KATNIP: variants seen among roughly 807,000 people sequenced by gnomAD.
KATNIP encodes the protein katanin interacting protein.
In KATNIP, 126 loss-of-function variants were observed where a neutral mutation model predicts 174.0. The ratio of observed to expected loss-of-function variants is 0.72; its 90% CI spans 0.63 to 0.84. The LOEUF is 0.84. Ranked by LOEUF, KATNIP falls within the 40% of genes least tolerant of loss-of-function variation. The probability of loss-of-function intolerance (pLI) is 0.00; values close to 1 mark genes in which losing one functional copy is unlikely to be tolerated. For missense variants in KATNIP, 1,958 were observed against 2,109.7 expected, an observed-to-expected ratio of 0.93 and a Z score of 1.41; for synonymous variants, 810 against 835.7, an observed-to-expected ratio of 0.97 and a Z score of 0.53.
At position 27,698,769 on chromosome 16, in the gene KATNIP, A is replaced by T. The variant is rs1350458924; in HGVS notation, c.1113+269A>T. The stretch of plus-strand genomic sequence containing the variant: ...CTCATCCTCACTGATTTCCCTGCAA[A>T]CCCTGGATACCTTAGACCAGGGTTG... On this transcript the variant is annotated intron_variant, in intron 9 of 27. Coordinates refer to ENST00000261588, the MANE Select transcript of KATNIP (RefSeq NM_015202.5). Among the ~76,000 whole-genome samples, 3 of 152,106 alleles carry T rather than the reference A, an allele frequency of 2.0e-5. No homozygotes were observed. In the East Asian group the frequency reaches 5.8e-4, roughly 29 times the overall value.
At chr16:27,729,777 A>G (rs953814901) in intron 14 of KATNIP, among the ~76,000 whole-genome samples, 1 of 152,166 alleles carries the variant, frequency 6.6e-6, no homozygotes, top group Admixed American at 6.5e-5. Context: ...CTGGCTCACA[A>G]CTTTGATCCT....
intron 1 of KATNIP, among the ~76,000 whole-genome samples, chr16:27,573,477 G>C (rs1160839998): frequency 1.3e-5 from 2 of 152,256 alleles, no homozygotes; most frequent in African/African-American, 4.8e-5. Flanking sequence ...CTATGTGGTG[G>C]ATTTGGGGGT....
intron 4 of KATNIP, among the ~76,000 whole-genome samples, chr16:27,630,326 C>T (rs2076448087): frequency 6.6e-6 from 1 of 152,240 alleles, no homozygotes; most frequent in African/African-American, 2.4e-5. Flanking sequence ...GAAATGTAAG[C>T]TGTCTGTCAC....
intron 5 of KATNIP, among the ~76,000 whole-genome samples, 185 bp from the exon 6 acceptor site, chr16:27,648,419 C>T (rs930821323): frequency 1.3e-5 from 2 of 152,194 alleles, no homozygotes; most frequent in African/African-American, 4.8e-5. Context: ...CAGTGCTGGC[C>T]CGGATGAGGA....
In KATNIP at chr16:27,596,205, C is replaced by T. The variant is rs576869183; in HGVS notation, c.64-22220C>T. 3.3e-5 allele frequency among the ~76,000 whole-genome samples: 5 copies of T among 152,210 alleles called. No homozygotes were observed. The East Asian group carries it at 9.6e-4, about 29-fold the overall frequency. On this transcript the variant is annotated intron_variant, in intron 2 of 27. Coordinates refer to ENST00000261588, the MANE Select transcript of KATNIP (RefSeq NM_015202.5). ...GCTGCACAATCTCCGTGAGAGATGA[C>T]GTGGCTTCCTTTGGGGCAGCAGCTG...
chr16:27,751,338 G>C (rs2081508167), intron 16 of KATNIP, among the ~76,000 whole-genome samples: 1 of 152,108 alleles, frequency 6.6e-6, no homozygotes, highest in Admixed American at 6.5e-5. Flanking sequence ...GCAGTCATTG[G>C]AACCAAGGCT....
At chr16:27,565,667 C>A (rs2090058457) in intron 1 of KATNIP, among the ~76,000 whole-genome samples, 1 of 151,716 alleles carries the variant, frequency 6.6e-6, no homozygotes, top group Non-Finnish European at 1.5e-5. Flanking sequence ...ACCTATAGTG[C>A]CAGCTATTCT....
At chr16:27,600,898 T>C (rs2075502228) in intron 2 of KATNIP, among the ~76,000 whole-genome samples, 1 of 151,690 alleles carries the variant, frequency 6.6e-6, no homozygotes, top group Non-Finnish European at 1.5e-5. Context: ...CCCAGCTAAT[T>C]TTTTGTATTT....
chr16:27,749,755 G>A lies in KATNIP; in HGVS notation c.2795G>A (p.Ser932Asn). The A allele has an allele frequency of 6.2e-7, 1 of 1,611,692 alleles. No homozygotes were observed. Among genetic ancestry groups the A allele is most frequent in the Non-Finnish European group, 8.5e-7 (1 of 1,178,792 alleles). The change falls in exon 16 of 28, where the codon AGC (serine) becomes AAC (asparagine). Residue 932 changes from serine (S) to asparagine (N), a missense_variant. Ser to Asn is a conservative substitution (Grantham distance 46). Around this residue, in one of 3 missense-constraint regions of KATNIP, gnomAD observed 1,557 missense variants for 1,617.8 expected, o/e 0.96. Coordinates refer to ENST00000261588, the MANE Select transcript of KATNIP (RefSeq NM_015202.5). ...DILDELLQQK[S>N]SRHSDLPPSK... ...CTGGATGAGCTCCTGCAGCAAAAGA[G>A]CAGCCGGCACAGCGACTTGCCCCCC...
chr16:27,708,032 T>G (rs1432479205), intron 12 of KATNIP, among the ~76,000 whole-genome samples: 7 of 151,900 alleles, frequency 4.6e-5, no homozygotes, highest in Non-Finnish European at 1.0e-4. Context: ...ACCTTTTTTT[T>G]TTTTTTTTGA....
chr16:27,759,409 A>C (rs549733902), intron 18 of KATNIP, among the ~76,000 whole-genome samples: 2 of 152,344 alleles, frequency 1.3e-5, no homozygotes, highest in South Asian at 4.1e-4. Context: ...GCTGAGAAGG[A>C]ATGTGTCAGC....
intron 23 of KATNIP, among the ~76,000 whole-genome samples, 167 bp downstream of exon 23, chr16:27,773,376 G>A (rs1304700931): frequency 6.6e-6 from 1 of 152,138 alleles, no homozygotes; most frequent in East Asian, 1.9e-4. Context: ...GGGCAGCAGA[G>A]AGCAGCTCCC....
chr16:27,648,103 T>C (rs1374160612), intron 5 of KATNIP, among the ~76,000 whole-genome samples: 1 of 152,098 alleles, frequency 6.6e-6, no homozygotes, highest in Admixed American at 6.5e-5. Context: ...AAGACAAGCC[T>C]GGCCAACGTG....
intron 2 of KATNIP, among the ~76,000 whole-genome samples, chr16:27,592,820 G>A (rs1402438259): frequency 6.6e-6 from 1 of 152,124 alleles, no homozygotes; most frequent in Non-Finnish European, 1.5e-5. Context: ...CTCCCAAATT[G>A]TTGGGATTAC....
chr16:27,742,012 T>G (rs1433883191), intron 15 of KATNIP, among the ~76,000 whole-genome samples: 1 of 152,054 alleles, frequency 6.6e-6, no homozygotes, highest in Non-Finnish European at 1.5e-5. Flanking sequence ...TTGAGATTAT[T>G]TTTAAACTAC....
chr16:27,668,612 G>A (rs2077772190), intron 6 of KATNIP, among the ~76,000 whole-genome samples: 1 of 152,208 alleles, frequency 6.6e-6, no homozygotes, highest in Non-Finnish European at 1.5e-5. Context: ...TCCATACCCT[G>A]GGTCTGCCAT....
chr16:27,770,982 G>A (rs1010505659), intron 21 of KATNIP, among the ~76,000 whole-genome samples: 1 of 152,264 alleles, frequency 6.6e-6, no homozygotes, highest in South Asian at 2.1e-4. Context: ...CCCACCTTGG[G>A]CCTTTGCTCT....
intron 20 of KATNIP, among the ~76,000 whole-genome samples, chr16:27,768,908 C>T (rs1490881697): frequency 1.3e-5 from 2 of 152,214 alleles, no homozygotes; most frequent in Non-Finnish European, 2.9e-5. Context: ...ACAGCTGCAC[C>T]CATGTTGCTG....
intron 14 of KATNIP, among the ~76,000 whole-genome samples, chr16:27,729,272 C>T (rs1352092212): frequency 1.3e-5 from 2 of 152,164 alleles, no homozygotes; most frequent in South Asian, 2.1e-4. Context: ...TCAGTTTCCA[C>T]GTGGTAGCCC....
Sources: allele counts gnomAD v4.1 joint callset (sites outside exome capture counted in the v4.1 genomes callset), GRCh38; gene constraint gnomAD v4.1.1; regional missense constraint gnomAD v4.1.1; transcripts MANE v1.5; gene names NCBI Gene and HGNC (gene_info 2026-07-23, HGNC 2026-07-21).